The following SCMH1 variants were observed in gnomAD, a reference collection of about 807,000 sequenced individuals.
SCMH1 encodes the protein Scm polycomb group protein homolog 1.
In SCMH1, 37 loss-of-function variants were observed where a neutral mutation model predicts 70.8. That is an observed-to-expected ratio of 0.52 (90% CI 0.40 to 0.69). The LOEUF (loss-of-function observed/expected upper bound fraction) is 0.69, where lower values mean the gene tolerates loss of function less well. Ranked by LOEUF, SCMH1 falls within the 30% of genes least tolerant of loss-of-function variation. The probability of loss-of-function intolerance (pLI) is 0.00; values close to 1 mark genes in which losing one functional copy is unlikely to be tolerated. For synonymous variants in SCMH1, 292 were observed against 307.4 expected, an observed-to-expected ratio of 0.95 and a Z score of 0.52; for missense variants, 607 against 827.3, an observed-to-expected ratio of 0.73 and a Z score of 3.27.
intron 1 of SCMH1, among the ~76,000 whole-genome samples, chr1:41,239,346 A>G (rs12123384): frequency 0.25 from 37,519 of 152,098 alleles, 5,211 homozygotes; most frequent in Non-Finnish European, 0.31. Context: ...TGTTTGCCTC[A>G]CTTACTCCTA....
At chr1:41,189,995 A>G (rs919351001) in intron 1 of SCMH1, among the ~76,000 whole-genome samples, 1 of 152,226 alleles carries the variant, frequency 6.6e-6, no homozygotes, top group Non-Finnish European at 1.5e-5. Context: ...CATAGTTCCT[A>G]GCAGACATAT....
intron 9 of SCMH1, among the ~76,000 whole-genome samples, chr1:41,072,435 G>T (rs149046250): frequency 4.6e-5 from 7 of 152,318 alleles, no homozygotes; most frequent in Non-Finnish European, 1.0e-4. Context: ...TTACAGGTGA[G>T]AAAATGGGCT....
chr1:41,205,208 C>T (rs189869564), intron 1 of SCMH1, among the ~76,000 whole-genome samples: 170 of 152,298 alleles, frequency 1.1e-3, no homozygotes, highest in African/African-American at 3.5e-3. Context: ...GTGGATACAG[C>T]CCACGGAGGG....
In SCMH1 at chr1:41,070,594, C is replaced by T; in HGVS notation, c.1105+1G>A. On this transcript the variant is annotated splice_donor_variant, in intron 10 of 14. Coordinates refer to ENST00000337495, the Ensembl canonical transcript of SCMH1. LOFTEE classifies it high-confidence loss of function. Reference sequence around the variant, plus strand: ...CAGGTAGTCCTGTCATCTGCTCTTACCTGTTGGGGCCTGCATGGCTGAGCT... The same window carrying T: ...CAGGTAGTCCTGTCATCTGCTCTTATCTGTTGGGGCCTGCATGGCTGAGCT... The T allele has an allele frequency of 1.9e-6, 3 of 1,614,042 alleles. No individual in the cohort carries two copies. Among genetic ancestry groups the T allele is most frequent in the Non-Finnish European group, 1.7e-6 (2 of 1,179,954 alleles).
At chr1:41,116,514 G>C (rs1455738640) in intron 7 of SCMH1, among the ~76,000 whole-genome samples, 4 of 152,172 alleles carry the variant, frequency 2.6e-5, no homozygotes, top group African/African-American at 9.7e-5. Context: ...GGTATTACAT[G>C]AGATAGTATA....
chr1:41,145,678 A>G (rs986584153), intron 5 of SCMH1, among the ~76,000 whole-genome samples: 2 of 152,182 alleles, frequency 1.3e-5, no homozygotes, highest in African/African-American at 4.8e-5. Context: ...TTGCAAATAT[A>G]GTCATGTTCT....
At chr1:41,194,696 C>A (rs1003033248) in intron 1 of SCMH1, among the ~76,000 whole-genome samples, 21 of 152,042 alleles carry the variant, frequency 1.4e-4, no homozygotes, top group Non-Finnish European at 1.5e-5. Flanking sequence ...GAAATATAAC[C>A]GCCTAAAATA....
intron 10 of SCMH1, among the ~76,000 whole-genome samples, chr1:41,065,856 A>G (rs1277366944): frequency 1.3e-5 from 2 of 152,078 alleles, no homozygotes; most frequent in African/African-American, 4.8e-5. Context: ...AAACTATAAA[A>G]CTCCTAGACG....
chr1:41,129,590 CTCTCTTTCTG>C (rs1674108128), intron 6 of SCMH1, among the ~76,000 whole-genome samples: 1 of 152,152 alleles, frequency 6.6e-6, no homozygotes, highest in South Asian at 2.1e-4. Context: ...CCCAGCCCCG[CTCTCTTTCTG>C]TGTGTGCGTA....
chr1:41,217,326 T>C (rs35286837), intron 1 of SCMH1, among the ~76,000 whole-genome samples: 1 of 152,018 alleles, frequency 6.6e-6, no homozygotes, highest in African/African-American at 2.4e-5. Flanking sequence ...CTAAGCAAAG[T>C]GTGGAAGTAT....
At chr1:41,107,976 A>C (rs1416258480) in intron 8 of SCMH1, among the ~76,000 whole-genome samples, 3 of 152,230 alleles carry the variant, frequency 2.0e-5, no homozygotes, top group Admixed American at 1.3e-4. Flanking sequence ...TTTTGTTTCT[A>C]AGCATCAAAT....
At chr1:41,177,464 C>A (rs1386757737) in intron 2 of SCMH1, among the ~76,000 whole-genome samples, 1 of 152,030 alleles carries the variant, frequency 6.6e-6, no homozygotes, top group Admixed American at 6.6e-5. Flanking sequence ...GAAGTTCGAA[C>A]CCATGGCAAA....
rs1230574210 is a variant in SCMH1, at chr1:41,046,728, TCCTCCCTCCCTCCCTTTAACTC to T, written c.1307-152_1307-131del. 3 of 710,450 alleles carry T rather than the reference TCCTCCCTCCCTCCCTTTAACTC, an allele frequency of 4.2e-6. No individual in the cohort carries two copies. The African/African-American group carries it at 5.3e-5, about 13-fold the overall frequency. 44.0% of individuals were successfully genotyped at this position (710,450 alleles called of 1,614,324 possible). A position where few individuals can be genotyped will look rare whatever the true frequency, so the allele number is the denominator to read the frequency against. On this transcript the variant is annotated intron_variant, in intron 11 of 14. Coordinates refer to ENST00000337495, the Ensembl canonical transcript of SCMH1. ...ACAAAGGGAATCAGTGCCCCACGTT[TCCTCCCTCCCTCCCTTTAACTC>T]CCTCCCTCGAGGGCTTTGATTTTTG... is the stretch of plus-strand genomic sequence containing the variant.
At chr1:41,093,639 T>C (rs1398195570) in intron 8 of SCMH1, among the ~76,000 whole-genome samples, 1 of 152,248 alleles carries the variant, frequency 6.6e-6, no homozygotes, top group African/African-American at 2.4e-5. Context: ...TTTTAATCCA[T>C]GCCTGATTTT....
chr1:41,130,948 G>T (rs1410997754), intron 6 of SCMH1, among the ~76,000 whole-genome samples: 1 of 151,770 alleles, frequency 6.6e-6, no homozygotes, highest in African/African-American at 2.4e-5. Flanking sequence ...TTTTTCTTTT[G>T]TTTTTTTGTG....
At chr1:41,194,443 A>T (rs1361305266) in intron 1 of SCMH1, among the ~76,000 whole-genome samples, 1 of 152,258 alleles carries the variant, frequency 6.6e-6, no homozygotes, top group African/African-American at 2.4e-5. Flanking sequence ...GAACTACTGT[A>T]GATCAAAGAA....
intron 8 of SCMH1, among the ~76,000 whole-genome samples, chr1:41,088,334 A>G (rs1662343118): frequency 6.6e-6 from 1 of 152,214 alleles, no homozygotes; most frequent in African/African-American, 2.4e-5. Context: ...TTCTCTTAGT[A>G]AATGTTTTGT....
intron 8 of SCMH1, among the ~76,000 whole-genome samples, chr1:41,108,600 T>G (rs890329011): frequency 6.6e-6 from 1 of 152,262 alleles, no homozygotes; most frequent in Non-Finnish European, 1.5e-5. Context: ...TGGTAGTTAC[T>G]ACCCATCAGA....
intron 8 of SCMH1, among the ~76,000 whole-genome samples, chr1:41,082,248 C>T (rs894606946): frequency 3.9e-5 from 6 of 151,988 alleles, no homozygotes; most frequent in African/African-American, 1.5e-4. Context: ...AAAGCAACTC[C>T]AAGACACATA....
Sources: allele counts gnomAD v4.1 joint callset (sites outside exome capture counted in the v4.1 genomes callset), GRCh38; gene constraint gnomAD v4.1.1; transcripts MANE v1.5; gene names NCBI Gene and HGNC (gene_info 2026-07-23, HGNC 2026-07-21).